ERMP1: variants seen among roughly 807,000 people sequenced by gnomAD.
ERMP1 encodes the protein Felix-ina.
In ERMP1, 86 loss-of-function variants were observed where a neutral mutation model predicts 92.0. The ratio of observed to expected loss-of-function variants is 0.93; its 90% CI spans 0.79 to 1.12. The LOEUF (loss-of-function observed/expected upper bound fraction) is 1.12. ERMP1 is among the 50% of genes most tolerant of loss of function. ERMP1 has a pLI of 0.00. For synonymous variants in ERMP1, 530 were observed against 412.8 expected, an observed-to-expected ratio of 1.28 and a Z score of -3.44; for missense variants, 1,342 against 1,116.3, an observed-to-expected ratio of 1.20 and a Z score of -2.88.
At position 5,825,075 on chromosome 9, in the gene ERMP1, A is replaced by G; in HGVS notation, c.768+17T>C. 2 of 1,612,278 alleles carry G rather than the reference A, an allele frequency of 1.2e-6. No homozygotes were observed. The highest frequency in any genetic ancestry group is 1.7e-5 in the Admixed American group (1 of 60,014). Reference sequence around the variant, plus strand: ...CATCCTTATTCAAGCCTGATATTTAAAACAGTAAAATCTCACTTGCAAGAC... The same window carrying G: ...CATCCTTATTCAAGCCTGATATTTAGAACAGTAAAATCTCACTTGCAAGAC... On this transcript the variant is annotated intron_variant, in intron 3 of 14. Transcript: ENST00000339450.
intron 4 of ERMP1, among the ~76,000 whole-genome samples, chr9:5,821,220 T>G (rs1829523431): frequency 6.6e-6 from 1 of 152,214 alleles, no homozygotes; most frequent in Non-Finnish European, 1.5e-5. Context: ...ATACATAAAA[T>G]TATAGAAAGT....
intron 6 of ERMP1, among the ~76,000 whole-genome samples, chr9:5,845,975 G>A (rs1830229818): frequency 6.6e-6 from 1 of 152,220 alleles, no homozygotes; most frequent in South Asian, 2.1e-4. Context: ...GGCAGGCCTG[G>A]ATGGGCAAAT....
At chr9:5,852,917 AAAAC>A (rs1215577432) in intron 6 of ERMP1, among the ~76,000 whole-genome samples, 1 of 152,198 alleles carries the variant, frequency 6.6e-6, no homozygotes, top group Non-Finnish European at 1.5e-5. Flanking sequence ...TACAGGGGAG[AAAAC>A]AAACAAACCA....
chr9:5,815,087 A>C (rs1036645584), intron 4 of ERMP1, among the ~76,000 whole-genome samples: 1 of 152,224 alleles, frequency 6.6e-6, no homozygotes, highest in African/African-American at 2.4e-5. Flanking sequence ...AAAGAACAGA[A>C]GATAGAATGG....
At chr9:5,815,390 G>A (rs573610488) in intron 4 of ERMP1, among the ~76,000 whole-genome samples, 1 of 148,068 alleles carries the variant, frequency 6.8e-6, no homozygotes, top group Non-Finnish European at 1.5e-5. Context: ...GCACTGATTT[G>A]AAATAGACAC....
rs562794694 is a variant in ERMP1 at position 5,855,113 on chromosome 9, G to C, written n.3199+4355C>G. ...GAAAAATTTGAGAGAGATAAAAGCA[G>C]TAATTATCTGTATTATTTAATAACT... On this transcript the variant is annotated intron_variant and non_coding_transcript_variant, in intron 6 of 6. Coordinates refer to the ERMP1 transcript ENST00000690753. Among the ~76,000 whole-genome samples, 7 of 152,228 alleles carry C rather than the reference G, an allele frequency of 4.6e-5. No individual in the cohort carries two copies. In the South Asian group the frequency reaches 1.0e-3, roughly 23 times the overall value.
At chr9:5,862,941 GCAGA>G (rs750112344) in intron 5 of ERMP1, among the ~76,000 whole-genome samples, 1 of 152,236 alleles carries the variant, frequency 6.6e-6, no homozygotes, top group Non-Finnish European at 1.5e-5. Flanking sequence ...TGTTAATGGA[GCAGA>G]CAGAGATTTA....
At chr9:5,840,231 G>C (rs1236459331) in intron 6 of ERMP1, among the ~76,000 whole-genome samples, 1 of 152,100 alleles carries the variant, frequency 6.6e-6, no homozygotes, top group Non-Finnish European at 1.5e-5. Flanking sequence ...GACAGAGTGA[G>C]ACTTCGTCAA....
At chr9:5,822,220 C>G (rs2131260371) in intron 4 of ERMP1, among the ~76,000 whole-genome samples, 1 of 152,250 alleles carries the variant, frequency 6.6e-6, no homozygotes, top group Admixed American at 6.5e-5. Flanking sequence ...CCACTACACT[C>G]CAGCCTGGGC....
At chr9:5,817,330 C>T (rs1208552247) in intron 4 of ERMP1, among the ~76,000 whole-genome samples, 2 of 152,136 alleles carry the variant, frequency 1.3e-5, no homozygotes, top group Non-Finnish European at 2.9e-5. Context: ...GCTGGGATTA[C>T]AAGCGCCCGC....
chr9:5,862,897 G>C (rs1830546194), intron 5 of ERMP1, among the ~76,000 whole-genome samples: 1 of 152,182 alleles, frequency 6.6e-6, no homozygotes, highest in South Asian at 2.1e-4. Context: ...CAATAAGAAA[G>C]CCAGAATCCA....
chr9:5,830,443 G>T (rs537927139), intron 2 of ERMP1, among the ~76,000 whole-genome samples: 4 of 152,152 alleles, frequency 2.6e-5, no homozygotes, highest in Non-Finnish European at 4.4e-5. Context: ...ACACTGTCTG[G>T]TAACATTGAG....
chr9:5,824,074 CAG>C, intron 3 of ERMP1, 73 bp from the exon 4 acceptor site: 1 of 1,167,796 alleles, frequency 8.6e-7, no homozygotes, highest in Non-Finnish European at 1.3e-6. Flanking sequence ...TGCTTAAACA[CAG>C]AGAGACTACT....
intron 4 of ERMP1, among the ~76,000 whole-genome samples, chr9:5,817,320 G>A (rs1446693982): frequency 1.3e-5 from 2 of 152,072 alleles, no homozygotes; most frequent in African/African-American, 4.8e-5. Context: ...CTCCCAAGTA[G>A]CTGGGATTAC....
At chr9:5,861,173 GTGTGTGT>G (rs1563786847) in intron 5 of ERMP1, among the ~76,000 whole-genome samples, 22 of 49,422 alleles carry the variant, frequency 4.5e-4, no homozygotes, top group Non-Finnish European at 8.0e-4. Context: ...CTTAGGGGGT[GTGTGTGT>G]GTGTGTGTGT....
chr9:5,843,929 A>G (rs1830201561), intron 6 of ERMP1, among the ~76,000 whole-genome samples: 1 of 152,132 alleles, frequency 6.6e-6, no homozygotes, highest in Non-Finnish European at 1.5e-5. Context: ...GGATGGGAAG[A>G]GCAGTGCATC....
intron 5 of ERMP1, among the ~76,000 whole-genome samples, chr9:5,863,069 G>A (rs1220015916): frequency 6.6e-6 from 1 of 152,178 alleles, no homozygotes. Flanking sequence ...TGGGGCAATG[G>A]AAATACCCCT....
At chr9:5,839,846 T>C (rs1354933101) in intron 6 of ERMP1, among the ~76,000 whole-genome samples, 1 of 152,152 alleles carries the variant, frequency 6.6e-6, no homozygotes, top group Non-Finnish European at 1.5e-5. Context: ...TCTCTCAAAG[T>C]GTGGTCTGAG....
intron 5 of ERMP1, among the ~76,000 whole-genome samples, chr9:5,863,368 C>T (rs1206154059): frequency 6.6e-6 from 1 of 152,216 alleles, no homozygotes; most frequent in African/African-American, 2.4e-5. Flanking sequence ...ATCACCACAA[C>T]ATTCTTATGT....
Sources: gnomAD v4.1 joint callset for allele counts (sites outside exome capture counted in the v4.1 genomes callset) on GRCh38, gnomAD v4.1.1 for gene constraint, MANE v1.5 for transcripts, NCBI Gene and HGNC (gene_info 2026-07-23, HGNC 2026-07-21) for gene names.